The following WIPF3 variants were observed in gnomAD, a reference collection of about 807,000 sequenced individuals.
WIPF3 encodes WAS/WASL interacting protein family member 3.
A neutral mutation model predicts 38.9 loss-of-function variants in WIPF3; 33 were observed. That is an observed-to-expected ratio of 0.85 (90% CI 0.64 to 1.14). The LOEUF (loss-of-function observed/expected upper bound fraction) is 1.14, where lower values mean the gene tolerates loss of function less well. Ranked by LOEUF, WIPF3 falls within the 50% of genes most tolerant of loss-of-function variation. The probability of loss-of-function intolerance (pLI) is 0.00; values close to 1 mark genes in which losing one functional copy is unlikely to be tolerated. For synonymous variants in WIPF3, 324 were observed against 269.3 expected (o/e 1.20, Z -1.99); for missense variants, 711 against 652.5 (o/e 1.09, Z -0.98).
At chr7:29,842,457 G>A (rs998214465) in intron 2 of WIPF3, among the ~76,000 whole-genome samples, 4 of 152,180 alleles carry the variant, frequency 2.6e-5, no homozygotes, top group East Asian at 3.9e-4. Flanking sequence ...GAGGCTTATC[G>A]CACCCCTAGC....
At position 29,884,061 on chromosome 7, in the gene WIPF3, C is replaced by T; in HGVS notation, c.567C>T (p.Pro189=). 6.9e-7 allele frequency: 1 copy of T among 1,450,926 alleles called. No individual in the cohort carries two copies. The highest frequency in any genetic ancestry group is 9.2e-7 in the Non-Finnish European group (1 of 1,087,434). 89.9% of individuals were successfully genotyped at this position (1,450,926 alleles called of 1,614,324 possible). Reference sequence around the variant, plus strand: ...CTCCGCCTCCACCCTTACCCCCGCCCCTTCCCTCTTCCTCCCCCATCAAAA... The same window carrying T: ...CTCCGCCTCCACCCTTACCCCCGCCTCTTCCCTCTTCCTCCCCCATCAAAA... The part of the protein sequence containing the change: ...PPPPPPPLPP[P]LPSSSPIKTP... Residue 189 remains proline (P), a synonymous_variant, in exon 5 of 9, where the codon CCC becomes CCT. Coordinates refer to ENST00000242140, the MANE Select transcript of WIPF3 (RefSeq NM_001080529.3).
intron 2 of WIPF3, among the ~76,000 whole-genome samples, chr7:29,837,349 C>G (rs1329084234): frequency 1.3e-5 from 2 of 152,114 alleles, no homozygotes; most frequent in African/African-American, 2.4e-5. Context: ...GAGTGAGACT[C>G]CGTCTCAAAA....
chr7:29,889,554 T>A, intron 7 of WIPF3, 147 bp downstream of exon 7: 1 of 638,174 alleles, frequency 1.6e-6, no homozygotes, highest in Non-Finnish European at 2.8e-6. Context: ...TGCATAGTTC[T>A]GGAACTTTCA....
chr7:29,873,067 T>G (rs1312920679), intron 2 of WIPF3, among the ~76,000 whole-genome samples: 1 of 152,160 alleles, frequency 6.6e-6, no homozygotes, highest in Non-Finnish European at 1.5e-5. Context: ...AAAGTTAAAA[T>G]CATCATTTTA....
chr7:29,817,113 G>C (rs1009248735), intron 1 of WIPF3, among the ~76,000 whole-genome samples: 2 of 152,106 alleles, frequency 1.3e-5, no homozygotes, highest in African/African-American at 4.8e-5. Context: ...TAACATTGAG[G>C]GTCTTTGAAT....
rs773534464 is a variant in WIPF3, at chr7:29,889,289, A to G, written c.1250-17A>G. 6.2e-7 allele frequency: 1 copy of G among 1,606,180 alleles called. No individual in the cohort carries two copies. Among genetic ancestry groups the G allele is most frequent in the South Asian group, 1.1e-5 (1 of 90,626 alleles). On this transcript the variant is annotated splice_polypyrimidine_tract_variant and intron_variant, in intron 6 of 8. Coordinates refer to ENST00000242140, the MANE Select transcript of WIPF3 (RefSeq NM_001080529.3). ...GACAGTAACCTGAGTAACTCTTTCC[A>G]TTTCGCTTGTGTGCAGATGACTTCG...
chr7:29,895,606 C>T (rs891386888), intron 7 of WIPF3, among the ~76,000 whole-genome samples: 2 of 152,186 alleles, frequency 1.3e-5, no homozygotes, highest in African/African-American at 4.8e-5. Context: ...GCGTAATTGG[C>T]TCACAGTTCT....
rs1784339162 is a variant in WIPF3, at chr7:29,809,606, G to A, written c.-58+2928G>A. Among the ~76,000 whole-genome samples the A allele has an allele frequency of 2.0e-5, 3 of 152,368 alleles. No homozygotes were observed. In the South Asian group the frequency reaches 6.2e-4, roughly 32 times the overall value. ...AGAGGCATGCCTTTCCCCAGCCGAT[G>A]CTGGGCAGGGGCAGCACACGTGTTT... On this transcript the variant is annotated intron_variant, in intron 1 of 8. Transcript: ENST00000242140.
chr7:29,863,584 T>C (rs1041109486), intron 2 of WIPF3, among the ~76,000 whole-genome samples: 3 of 152,234 alleles, frequency 2.0e-5, no homozygotes, highest in Admixed American at 6.5e-5. Flanking sequence ...ATTTTAGAGT[T>C]AGCATGTCTA....
chr7:29,808,911 G>C (rs975246010), intron 1 of WIPF3, among the ~76,000 whole-genome samples: 2 of 152,162 alleles, frequency 1.3e-5, no homozygotes, highest in African/African-American at 4.8e-5. Context: ...GTGATTAACA[G>C]TAGAGGGAAA....
chr7:29,834,754 T>G lies in WIPF3; in HGVS notation c.30T>G (p.Pro10=). ...CAGTGCCACCGCCACCCCCACCTCC[T>G]CTGCCTCCACCTCCCCCGCCTCTGG... is the stretch of plus-strand genomic sequence containing the variant. MPVPPPPPP[P]LPPPPPPLGA... The change falls in exon 2 of 9, where the codon CCT becomes CCG. Residue 10 remains proline, a synonymous_variant. Coordinates refer to ENST00000242140, the MANE Select transcript of WIPF3 (RefSeq NM_001080529.3). The G allele has an allele frequency of 8.5e-7, 1 of 1,179,878 alleles. No individual in the cohort carries two copies. Among genetic ancestry groups the G allele is most frequent in the Non-Finnish European group, 1.1e-6 (1 of 918,202 alleles). The allele number at this position is 1,179,878 out of a possible 1,614,324, so 73.1% of individuals were successfully genotyped here.
intron 5 of WIPF3, 101 bp from the exon 6 acceptor site, chr7:29,887,967 A>C: frequency 2.1e-6 from 3 of 1,459,980 alleles, no homozygotes; most frequent in Non-Finnish European, 2.8e-6. Context: ...TCGCTGTATC[A>C]TATTACATCT....
intron 8 of WIPF3, among the ~76,000 whole-genome samples, chr7:29,910,475 G>A (rs1187811883): frequency 1.3e-5 from 2 of 152,048 alleles, no homozygotes; most frequent in African/African-American, 2.4e-5. Context: ...CAAGAAAACC[G>A]TAGACCAATA....
intron 1 of WIPF3, among the ~76,000 whole-genome samples, chr7:29,822,123 G>GGTTT: frequency 1.6e-5 from 1 of 62,876 alleles, no homozygotes; most frequent in African/African-American, 7.0e-5. Context: ...TTTTTTCTTA[G>GGTTT]TTTTTTTTTT....
intron 2 of WIPF3, among the ~76,000 whole-genome samples, chr7:29,852,442 C>T (rs1785118269): frequency 6.6e-6 from 1 of 152,228 alleles, no homozygotes; most frequent in Admixed American, 6.5e-5. Context: ...TAGGAAAACT[C>T]TTTAAAATAC....
chr7:29,834,769 C>A lies in WIPF3; in HGVS notation c.45C>A (p.Pro15=). 1 of 1,493,540 alleles carries A rather than the reference C, an allele frequency of 6.7e-7. No homozygotes were observed. Among genetic ancestry groups the A allele is most frequent in the Non-Finnish European group, 8.9e-7 (1 of 1,117,410 alleles). The allele number at this position is 1,493,540 out of a possible 1,614,324, so 92.5% of individuals were successfully genotyped here. A position where few individuals can be genotyped will look rare whatever the true frequency, so the allele number is the denominator to read the frequency against. Residue 15 remains proline (P), a synonymous_variant, in exon 2 of 9, where the codon CCC becomes CCA. Transcript: ENST00000242140. ...CCCCACCTCCTCTGCCTCCACCTCC[C>A]CCGCCTCTGGGGGCTCCTCCCCCTC... is the stretch of plus-strand genomic sequence containing the variant. ...PPPPPPLPPP[P]PPLGAPPPPP... is the part of the protein sequence containing the mutation.
chr7:29,886,111 CT>C (rs2128076504), intron 5 of WIPF3, among the ~76,000 whole-genome samples: 1 of 151,976 alleles, frequency 6.6e-6, no homozygotes, highest in Admixed American at 6.5e-5. Flanking sequence ...TTAAGAAATA[CT>C]TTTGTAGAAA....
At chr7:29,827,351 A>C (rs1784631425) in intron 1 of WIPF3, among the ~76,000 whole-genome samples, 1 of 152,238 alleles carries the variant, frequency 6.6e-6, no homozygotes, top group African/African-American at 2.4e-5. Context: ...ATGACAAGAA[A>C]GTGACAACAG....
In WIPF3 at chr7:29,884,523, G is replaced by A. The variant is rs1164467380; in HGVS notation, c.1029G>A (p.Gln343=). The A allele has an allele frequency of 6.3e-7, 1 of 1,583,364 alleles. No individual in the cohort carries two copies. The highest frequency in any genetic ancestry group is 8.6e-7 in the Non-Finnish European group (1 of 1,166,256). ...FQAPPQKAGA[Q]ALPAPPAPPG... Reference sequence around the variant, plus strand: ...CCCCACCGCAGAAGGCCGGTGCGCAGGCCTTGCCCGCCCCGCCTGCCCCTC... The same window carrying A: ...CCCCACCGCAGAAGGCCGGTGCGCAAGCCTTGCCCGCCCCGCCTGCCCCTC... The change falls in exon 5 of 9, where the codon CAG becomes CAA. Residue 343 remains glutamine, a synonymous_variant. Transcript: ENST00000242140.
Sources: allele counts gnomAD v4.1 joint callset (sites outside exome capture counted in the v4.1 genomes callset), GRCh38; gene constraint gnomAD v4.1.1; transcripts MANE v1.5; gene names NCBI Gene and HGNC (gene_info 2026-07-23, HGNC 2026-07-21).